FBXW7: variants seen among roughly 807,000 people sequenced by gnomAD.
FBXW7 encodes the protein F-box/WD repeat-containing protein 7.
A neutral mutation model predicts 86.3 loss-of-function variants in FBXW7; 11 were observed. That is an observed-to-expected ratio of 0.13 (90% CI 0.08 to 0.21). FBXW7 has a LOEUF of 0.21. Among genes scored for constraint, FBXW7 ranks in the 10% least tolerant of loss-of-function variants. The pLI is 1.00. For missense variants in FBXW7, 488 were observed against 847.4 expected, an observed-to-expected ratio of 0.58 and a Z score of 5.27; for synonymous variants, 313 against 297.9, an observed-to-expected ratio of 1.05 and a Z score of -0.52.
At chr4:152,339,017 G>A (rs894575772) in intron 6 of FBXW7, among the ~76,000 whole-genome samples, 1 of 152,112 alleles carries the variant, frequency 6.6e-6, no homozygotes, top group African/African-American at 2.4e-5. Context: ...AGGATATGAG[G>A]AGCTGTATTT....
intron 2 of FBXW7, among the ~76,000 whole-genome samples, chr4:152,501,378 CAA>C (rs1746933757): frequency 1.3e-5 from 2 of 152,182 alleles, no homozygotes; most frequent in Non-Finnish European, 1.5e-5. Context: ...ATCATGAGAT[CAA>C]GACAGAATGA....
At chr4:152,424,267 T>C (rs1739186305) in intron 2 of FBXW7, among the ~76,000 whole-genome samples, 1 of 152,176 alleles carries the variant, frequency 6.6e-6, no homozygotes. Context: ...ACCCACGACT[T>C]TGATGTGCAT....
chr4:152,433,286 A>AT (rs1740076790), intron 2 of FBXW7, among the ~76,000 whole-genome samples: 1 of 152,188 alleles, frequency 6.6e-6, no homozygotes, highest in Non-Finnish European at 1.5e-5. Flanking sequence ...ACTGTCAATT[A>AT]GTTTTCCACA....
At chr4:152,499,815 T>C (rs1397849134) in intron 2 of FBXW7, among the ~76,000 whole-genome samples, 5 of 152,158 alleles carry the variant, frequency 3.3e-5, no homozygotes, top group Admixed American at 1.3e-4. Context: ...CCTTCTCCTA[T>C]GAGACCTAAA....
chr4:152,505,393 T>C (rs1002276373), intron 2 of FBXW7, among the ~76,000 whole-genome samples: 1 of 152,232 alleles, frequency 6.6e-6, no homozygotes, highest in Non-Finnish European at 1.5e-5. Context: ...ATAACGTTTT[T>C]ACTTTATGAA....
In FBXW7 at chr4:152,494,494, G is replaced by T. The variant is rs188492472; in HGVS notation, c.-120+40447C>A. 1.8e-3 allele frequency among the ~76,000 whole-genome samples: 281 copies of T among 152,254 alleles called. 2 individuals carry two copies. The highest frequency in any genetic ancestry group is 6.7e-3 in the African/African-American group (277 of 41,550). On this transcript the variant is annotated intron_variant, in intron 2 of 13. Transcript: ENST00000281708. ...TAATTTTTTTTAAATGTCCTTTGAG[G>T]TAACTTTTTACTGCAGCATTCAGGT...
intron 2 of FBXW7, among the ~76,000 whole-genome samples, chr4:152,445,931 A>C (rs1023815338): frequency 6.7e-6 from 1 of 150,002 alleles, no homozygotes; most frequent in Admixed American, 6.6e-5. Context: ...AAAAAAAAAA[A>C]AAAAAAAAAA....
rs142424546 is a variant in FBXW7 at position 152,343,580 on chromosome 4, T to C, written c.726+3350A>G. 1.7e-3 allele frequency among the ~76,000 whole-genome samples: 258 copies of C among 152,326 alleles called. 1 individual carries two copies. Among genetic ancestry groups the C allele is most frequent in the Non-Finnish European group, 2.5e-3 (169 of 68,028 alleles). ...TTTGAACTAAGAACTTGTCCTTCTATGTCATTTGTGCTATTCTCAAGATGC... is the reference window on the plus strand; with the variant it reads ...TTTGAACTAAGAACTTGTCCTTCTACGTCATTTGTGCTATTCTCAAGATGC... On this transcript the variant is annotated intron_variant, in intron 6 of 13. Transcript: ENST00000281708.
intron 2 of FBXW7, among the ~76,000 whole-genome samples, chr4:152,462,542 A>G (rs990775551): frequency 6.6e-6 from 1 of 152,226 alleles, no homozygotes; most frequent in African/African-American, 2.4e-5. Context: ...TCCAACTGCC[A>G]GGCTACCCGT....
At chr4:152,386,436 T>C (rs1254485815) in intron 4 of FBXW7, among the ~76,000 whole-genome samples, 2 of 152,106 alleles carry the variant, frequency 1.3e-5, no homozygotes, top group East Asian at 3.8e-4. Flanking sequence ...TGTTCGATAG[T>C]GTTAATTAAA....
intron 4 of FBXW7, among the ~76,000 whole-genome samples, chr4:152,374,953 A>G (rs1362036966): frequency 6.6e-6 from 1 of 152,062 alleles, no homozygotes; most frequent in African/African-American, 2.4e-5. Context: ...GTATCAATAT[A>G]TTTTTACTTG....
At chr4:152,436,409 A>T (rs1261256361) in intron 2 of FBXW7, among the ~76,000 whole-genome samples, 1 of 152,260 alleles carries the variant, frequency 6.6e-6, no homozygotes, top group Non-Finnish European at 1.5e-5. Context: ...AGGTTGGTTC[A>T]CGGGCTTAAA....
rs1728501517 is a variant in FBXW7 at position 152,320,601 on chromosome 4, A to T, written c.*2280T>A. ...ACATCATAAAATTTAGATTTTATAA[A>T]ATTTAGATTTGTTGAACAAAACGGC... On this transcript the variant is annotated 3_prime_UTR_variant, in exon 14 of 14. Transcript: ENST00000281708. 6.6e-6 allele frequency: 1 copy of T among 151,980 alleles called. No homozygotes were observed. Among genetic ancestry groups the T allele is most frequent in the South Asian group, 2.1e-4 (1 of 4,816 alleles). The allele number at this position is 151,980 out of a possible 1,614,324, so 9.4% of individuals were successfully genotyped here. A position where few individuals can be genotyped will look rare whatever the true frequency, so the allele number is the denominator to read the frequency against.
At chr4:152,506,843 T>G (rs565573993) in intron 2 of FBXW7, among the ~76,000 whole-genome samples, 4 of 152,240 alleles carry the variant, frequency 2.6e-5, no homozygotes, top group Admixed American at 2.0e-4. Context: ...GATACTATAC[T>G]AGCAGGGGAC....
chr4:152,459,677 A>C (rs550101851), intron 2 of FBXW7, among the ~76,000 whole-genome samples: 1 of 152,266 alleles, frequency 6.6e-6, no homozygotes, highest in African/African-American at 2.4e-5. Flanking sequence ...GATAGAACCA[A>C]ACTCTATATA....
intron 2 of FBXW7, among the ~76,000 whole-genome samples, chr4:152,492,462 T>A (rs1472219396): frequency 1.3e-5 from 2 of 152,210 alleles, no homozygotes; most frequent in African/African-American, 4.8e-5. Flanking sequence ...CCAGTGGTAT[T>A]CCAAAGTGGC....
intron 2 of FBXW7, among the ~76,000 whole-genome samples, chr4:152,516,075 G>A (rs1297763320): frequency 6.6e-6 from 1 of 152,190 alleles, no homozygotes; most frequent in Non-Finnish European, 1.5e-5. Context: ...AGCCTCAGAA[G>A]AGATAGGAGC....
chr4:152,482,830 T>C (rs986396328), intron 2 of FBXW7, among the ~76,000 whole-genome samples: 3 of 152,254 alleles, frequency 2.0e-5, no homozygotes, highest in Non-Finnish European at 2.9e-5. Context: ...TAGTTCCTAA[T>C]AATATTAATA....
chr4:152,341,523 A>T (rs1157703144), intron 6 of FBXW7, among the ~76,000 whole-genome samples: 1 of 152,238 alleles, frequency 6.6e-6, no homozygotes, highest in Non-Finnish European at 1.5e-5. Context: ...ACTATTGCAT[A>T]CCACACCCAA....
Sources: allele counts gnomAD v4.1 joint callset (sites outside exome capture counted in the v4.1 genomes callset), GRCh38; gene constraint gnomAD v4.1.1; transcripts MANE v1.5; gene names NCBI Gene and HGNC (gene_info 2026-07-23, HGNC 2026-07-21).